The following ACVR2A variants were observed in gnomAD, a reference collection of about 807,000 sequenced individuals.
ACVR2A encodes the protein activin A receptor type 2A, also known as activin receptor type-2A.
ACVR2A carries 7 observed loss-of-function variants against 61.4 expected under a neutral mutation model. The ratio of observed to expected loss-of-function variants is 0.11; its 90% CI spans 0.06 to 0.21. ACVR2A has a LOEUF of 0.21. ACVR2A is among the 10% of genes least tolerant of loss of function. ACVR2A has a pLI of 1.00. For missense variants in ACVR2A, 322 were observed against 621.7 expected, an observed-to-expected ratio of 0.52 and a Z score of 5.13; for synonymous variants, 193 against 208.3, an observed-to-expected ratio of 0.93 and a Z score of 0.63.
At chr2:147,858,675 G>A (rs1417313308) in intron 1 of ACVR2A, among the ~76,000 whole-genome samples, 1 of 152,046 alleles carries the variant, frequency 6.6e-6, no homozygotes, top group Admixed American at 6.6e-5. Flanking sequence ...GAATGCTTTC[G>A]AGCACTTAGA....
In ACVR2A at chr2:147,930,577, C is replaced by A. The variant is rs1026070627; in HGVS notation, c.*3303C>A. On this transcript the variant is annotated 3_prime_UTR_variant, in exon 11 of 11. Transcript: ENST00000241416. ...TTTTTTATGCAGTCTCAACCCATATCCCATTTGTTACCTCTCAGAATATTG... is the reference window on the plus strand; with the variant it reads ...TTTTTTATGCAGTCTCAACCCATATACCATTTGTTACCTCTCAGAATATTG... 6.6e-6 allele frequency: 1 copy of A among 152,366 alleles called. No homozygotes were observed. The allele number at this position is 152,366 out of a possible 1,614,324, so 9.4% of individuals were successfully genotyped here.
chr2:147,896,414 C>T lies in ACVR2A; in HGVS notation c.169C>T (p.Arg57Trp). 6.2e-7 allele frequency: 1 copy of T among 1,613,898 alleles called. No homozygotes were observed. The highest frequency in any genetic ancestry group is 8.5e-7 in the Non-Finnish European group (1 of 1,179,932). Residue 57 changes from arginine to tryptophan, a missense_variant, in exon 2 of 11, where the codon CGG becomes TGG. Physicochemically the swap from Arg to Trp is moderately radical, Grantham distance 101. This residue lies in a region of ACVR2A where 142 missense variants were observed against 200.3 expected (regional missense o/e 0.71). Transcript: ENST00000241416. ...VEPCYGDKDKRRHCFATWKNI... is the reference protein window; with the variant it reads ...VEPCYGDKDKWRHCFATWKNI... ...ACCGTGTTATGGTGACAAAGATAAA[C>T]GGCGGCATTGTTTTGCTACCTGGAA...
chr2:147,923,227 A>G (rs1687428628), intron 9 of ACVR2A, 116 bp downstream of exon 9: 2 of 1,135,676 alleles, frequency 1.8e-6, no homozygotes, highest in African/African-American at 1.6e-5. Context: ...ATTGACTCCA[A>G]GAGATGGTAG....
chr2:147,915,973 A>T (rs1019677643), intron 5 of ACVR2A, among the ~76,000 whole-genome samples: 1 of 151,820 alleles, frequency 6.6e-6, no homozygotes, highest in African/African-American at 2.4e-5. Context: ...TCTCTTGCTT[A>T]TATACCCTGG....
chr2:147,873,858 G>T (rs1024685132), intron 1 of ACVR2A, among the ~76,000 whole-genome samples: 1 of 151,960 alleles, frequency 6.6e-6, no homozygotes, highest in African/African-American at 2.4e-5. Flanking sequence ...TTTTAGCCTA[G>T]GCTGTGTCTG....
intron 1 of ACVR2A, among the ~76,000 whole-genome samples, chr2:147,849,649 A>C (rs1284515016): frequency 6.6e-6 from 1 of 152,192 alleles, no homozygotes; most frequent in Non-Finnish European, 1.5e-5. Flanking sequence ...GAGTTAACCT[A>C]GCCAACCAAG....
intron 4 of ACVR2A, among the ~76,000 whole-genome samples, chr2:147,907,134 T>A (rs1332071990): frequency 1.3e-5 from 2 of 152,152 alleles, no homozygotes; most frequent in African/African-American, 4.8e-5. Context: ...GATTATGGCT[T>A]CCAGCTTCAT....
At chr2:147,925,852 ATACAT>A (rs1229984672) in intron 9 of ACVR2A, 174 bp from the exon 10 acceptor site, 27 of 542,546 alleles carry the variant, frequency 5.0e-5, no homozygotes, top group Non-Finnish European at 8.1e-5. Context: ...TTCATTTCCC[ATACAT>A]TAGTTTGGTC....
At chr2:147,910,388 T>C (rs958584065) in intron 4 of ACVR2A, among the ~76,000 whole-genome samples, 1 of 152,182 alleles carries the variant, frequency 6.6e-6, no homozygotes, top group African/African-American at 2.4e-5. Flanking sequence ...AGTCTACTTA[T>C]TCAGTTGGCA....
intron 7 of ACVR2A, 51 bp from the exon 8 acceptor site, chr2:147,920,179 T>C: frequency 7.8e-7 from 1 of 1,285,676 alleles, no homozygotes; most frequent in Non-Finnish European, 1.1e-6. Context: ...ATAAAAAATT[T>C]AAAAAGGTAA....
chr2:147,880,001 T>G (rs1369258130), intron 1 of ACVR2A, among the ~76,000 whole-genome samples: 2 of 152,168 alleles, frequency 1.3e-5, no homozygotes, highest in African/African-American at 2.4e-5. Context: ...CTCTATAAAT[T>G]CTCATTTGAC....
chr2:147,844,536 C>CGAGCCCG (rs983466269), upstream of ACVR2A: 13 of 149,392 alleles, frequency 8.7e-5, no homozygotes, highest in African/African-American at 2.4e-4. Flanking sequence ...AAAACGCGGC[C>CGAGCCCG]GAGCCCGGAG....
chr2:147,919,073 G>A (rs1010267307), intron 7 of ACVR2A, among the ~76,000 whole-genome samples: 11 of 152,170 alleles, frequency 7.2e-5, no homozygotes, highest in African/African-American at 1.2e-4. Context: ...TGTCATGCCC[G>A]CAAAAGGAAA....
intron 1 of ACVR2A, among the ~76,000 whole-genome samples, chr2:147,856,074 T>G (rs1018030053): frequency 1.3e-5 from 2 of 152,222 alleles, no homozygotes; most frequent in Admixed American, 6.5e-5. Context: ...GCTGAAAGGA[T>G]GAATACTTAA....
At chr2:147,889,001 G>GTT (rs907076113) in intron 1 of ACVR2A, among the ~76,000 whole-genome samples, 1 of 148,364 alleles carries the variant, frequency 6.7e-6, no homozygotes, top group Non-Finnish European at 1.5e-5. Flanking sequence ...TGTACTGATA[G>GTT]TTTTTTTTTT....
intron 9 of ACVR2A, chr2:147,925,549 C>G (rs1479132698): frequency 6.6e-6 from 1 of 152,020 alleles, no homozygotes; most frequent in Non-Finnish European, 1.5e-5. Flanking sequence ...AGGTATGACT[C>G]TGAGGTGCAT....
chr2:147,920,451 C>G (rs981841058), intron 8 of ACVR2A, 107 bp downstream of exon 8: 5 of 818,100 alleles, frequency 6.1e-6, no homozygotes, highest in Non-Finnish European at 5.9e-6. Context: ...GTGTTTAAAT[C>G]AGCATCTAAT....
At chr2:147,861,517 T>A (rs571491972) in intron 1 of ACVR2A, among the ~76,000 whole-genome samples, 1 of 152,258 alleles carries the variant, frequency 6.6e-6, no homozygotes, top group South Asian at 2.1e-4. Flanking sequence ...GCATGCCAGA[T>A]CTGAAAATCC....
At chr2:147,867,091 A>C (rs1225906696) in intron 1 of ACVR2A, among the ~76,000 whole-genome samples, 2 of 152,188 alleles carry the variant, frequency 1.3e-5, no homozygotes, top group African/African-American at 4.8e-5. Flanking sequence ...CAGATCTAAT[A>C]AGGTAGAGCC....
Sources: allele counts gnomAD v4.1 joint callset (sites outside exome capture counted in the v4.1 genomes callset), GRCh38; gene constraint gnomAD v4.1.1; regional missense constraint gnomAD v4.1.1; transcripts MANE v1.5; gene names NCBI Gene and HGNC (gene_info 2026-07-23, HGNC 2026-07-21).